The following PIK3CA variants were observed in gnomAD, a reference collection of about 807,000 sequenced individuals.
PIK3CA encodes phosphatidylinositol 4,5-bisphosphate 3-kinase catalytic subunit alpha isoform.
A neutral mutation model predicts 138.2 loss-of-function variants in PIK3CA; 27 were observed. The ratio of observed to expected loss-of-function variants is 0.20; its 90% CI spans 0.14 to 0.27. The LOEUF (loss-of-function observed/expected upper bound fraction) is 0.27. PIK3CA is among the 10% of genes least tolerant of loss of function. The pLI, the probability that PIK3CA is intolerant of heterozygous loss-of-function variation, is 1.00. For missense variants in PIK3CA, 544 were observed against 1,277.4 expected, an observed-to-expected ratio of 0.43 and a Z score of 8.75; for synonymous variants, 358 against 413.2, an observed-to-expected ratio of 0.87 and a Z score of 1.62.
At chr3:179,177,267 T>A (rs917330098) in intron 1 of PIK3CA, among the ~76,000 whole-genome samples, 1 of 152,052 alleles carries the variant, frequency 6.6e-6, no homozygotes, top group African/African-American at 2.4e-5. Context: ...TTATCCATCT[T>A]TTTCTGTGTG....
chr3:179,172,917 T>C (rs978791834), intron 1 of PIK3CA, among the ~76,000 whole-genome samples: 7 of 152,162 alleles, frequency 4.6e-5, no homozygotes, highest in African/African-American at 1.7e-4. Flanking sequence ...GTACTTGCTA[T>C]AAAGCTACAA....
chr3:179,177,570 C>T (rs1467697055), intron 1 of PIK3CA, among the ~76,000 whole-genome samples: 1 of 151,996 alleles, frequency 6.6e-6, no homozygotes, highest in Non-Finnish European at 1.5e-5. Context: ...GCCTTGGCCT[C>T]CCAAAGTGCT....
At chr3:179,177,068 C>T (rs1390874365) in intron 1 of PIK3CA, among the ~76,000 whole-genome samples, 1 of 152,016 alleles carries the variant, frequency 6.6e-6, no homozygotes, top group Non-Finnish European at 1.5e-5. Context: ...ACTTAAATTT[C>T]TTTTTCTGAA....
chr3:179,150,812 A>C (rs575404927), intron 1 of PIK3CA, among the ~76,000 whole-genome samples: 2 of 152,334 alleles, frequency 1.3e-5, no homozygotes, highest in East Asian at 1.9e-4. Context: ...TTTTTCTCTA[A>C]ACCAGTTTAC....
chr3:179,203,797 C>T lies in PIK3CA; in HGVS notation c.1059+8C>T, dbSNP rs199552207. 3.8e-6 allele frequency: 6 copies of T among 1,585,002 alleles called. No individual in the cohort carries two copies. The highest frequency in any genetic ancestry group is 4.5e-5 in the East Asian group (2 of 44,680). ...ATTCGAGACATTGATAAGGTAAAGT[C>T]AAATGCTGATGCTTATTATTTTATA... On this transcript the variant is annotated splice_region_variant and intron_variant, in intron 5 of 20. Transcript: ENST00000263967.
intron 1 of PIK3CA, among the ~76,000 whole-genome samples, chr3:179,182,133 C>T (rs191705545): frequency 2.6e-4 from 40 of 152,212 alleles, no homozygotes; most frequent in African/African-American, 9.1e-4. Flanking sequence ...TTACGTCTTC[C>T]TCTGTGCCTT....
Position 179,239,390 on chromosome 3 carries a change from A to AAAC in PIK3CA, c.*5027_*5029dup, listed in dbSNP as rs1445607602. On this transcript the variant is annotated 3_prime_UTR_variant, in exon 21 of 21. Coordinates refer to ENST00000263967, the MANE Select transcript of PIK3CA (RefSeq NM_006218.4). ...TTTCATATTAAAATATAATTAGACT[A>AAAC]AACTTAATTCTAGTATGAATTTCCA... 9 of 196,580 alleles carry AAAC rather than the reference A, an allele frequency of 4.6e-5. No individual in the cohort carries two copies. Among genetic ancestry groups the AAAC allele is most frequent in the Admixed American group, 1.2e-4 (2 of 16,548 alleles). The allele number at this position is 196,580 out of a possible 1,614,324, so 12.2% of individuals were successfully genotyped here.
chr3:179,226,349 A>G (rs1725082209), intron 17 of PIK3CA, among the ~76,000 whole-genome samples: 1 of 152,158 alleles, frequency 6.6e-6, no homozygotes. Context: ...AGAGTTTAAA[A>G]GAAAGTTTCA....
intron 1 of PIK3CA, among the ~76,000 whole-genome samples, chr3:179,151,484 A>G (rs1008116236): frequency 2.6e-5 from 4 of 152,202 alleles, no homozygotes; most frequent in African/African-American, 9.6e-5. Context: ...CTGGCTACAC[A>G]TTAGAATAAT....
intron 1 of PIK3CA, among the ~76,000 whole-genome samples, chr3:179,149,257 G>A (rs367644572): frequency 2.6e-5 from 4 of 152,126 alleles, no homozygotes; most frequent in East Asian, 3.9e-4. Flanking sequence ...ACTGACTCAT[G>A]TGACTTGTCT....
Position 179,224,091 on chromosome 3 carries a change from A to G in PIK3CA, c.2198A>G (p.Lys733Arg), listed in dbSNP as rs181194055. 9.0e-5 allele frequency: 143 copies of G among 1,588,976 alleles called. 2 individuals carry two copies. The East Asian group carries it at 2.6e-3, about 29-fold the overall frequency. Residue 733 changes from lysine (K) to arginine (R), a missense_variant, in exon 15 of 21, where the codon AAG becomes AGG. Coordinates refer to ENST00000263967, the MANE Select transcript of PIK3CA (RefSeq NM_006218.4). ...KKDETQKVQM[K>R]FLVEQMRRPD... ...TTTTTTTTTAATCAGGTACAGATGA[A>G]GTTTTTAGTTGAGCAAATGAGGCGA...
Position 179,238,774 on chromosome 3 carries a change from T to G in PIK3CA, c.*4410T>G. Reference sequence around the variant, plus strand: ...GTGTATACTTGCACACAATTCTGTTTGTGTACACACTGCTTGCTTAGCCCT... The same window carrying G: ...GTGTATACTTGCACACAATTCTGTTGGTGTACACACTGCTTGCTTAGCCCT... On this transcript the variant is annotated 3_prime_UTR_variant, in exon 21 of 21. Coordinates refer to ENST00000263967, the MANE Select transcript of PIK3CA (RefSeq NM_006218.4). 1 of 225,524 alleles carries G rather than the reference T, an allele frequency of 4.4e-6. No homozygotes were observed. The allele number at this position is 225,524 out of a possible 1,614,324, so 14.0% of individuals were successfully genotyped here.
intron 1 of PIK3CA, among the ~76,000 whole-genome samples, chr3:179,178,261 CA>C (rs60887179): frequency 0.26 from 20,760 of 79,902 alleles, 1,976 homozygotes; most frequent in African/African-American, 0.39. Flanking sequence ...CTCTAAAGAT[CA>C]AAAAAAAAAA....
In PIK3CA at chr3:179,219,978, C is replaced by T; in HGVS notation, c.1941C>T (p.Asn647=). The T allele has an allele frequency of 6.2e-7, 1 of 1,603,490 alleles. No individual in the cohort carries two copies. The highest frequency in any genetic ancestry group is 8.5e-7 in the Non-Finnish European group (1 of 1,176,580). Residue 647 remains asparagine (N), a synonymous_variant, in exon 13 of 21, where the codon AAC becomes AAT. Coordinates refer to ENST00000263967, the MANE Select transcript of PIK3CA (RefSeq NM_006218.4). The surrounding 1 kb of genome is among the most constrained non-coding windows in gnomAD (Gnocchi z 4.2). The part of the protein sequence containing the change: ...QVLKYEQYLD[N]LLVRFLLKKA... Reference sequence around the variant, plus strand: ...TAAAATATGAACAATATTTGGATAACTTGCTTGTGAGATTTTTACTGAAGA... The same window carrying T: ...TAAAATATGAACAATATTTGGATAATTTGCTTGTGAGATTTTTACTGAAGA...
At chr3:179,198,300 G>T (rs144295894) in intron 1 of PIK3CA, among the ~76,000 whole-genome samples, 54 of 152,250 alleles carry the variant, frequency 3.5e-4, no homozygotes, top group African/African-American at 1.2e-3. Context: ...TCTAGGCATG[G>T]TTTTACTTAT....
In PIK3CA at chr3:179,198,894, A is replaced by G; in HGVS notation, c.69A>G (p.Glu23=). The part of the protein sequence containing the change: ...IHLMPPRILV[E]CLLPNGMIVT... The stretch of plus-strand genomic sequence containing the variant: ...TGATGCCCCCAAGAATCCTAGTAGA[A>G]TGTTTACTACCAAATGGAATGATAG... The change falls in exon 2 of 21, where the codon GAA becomes GAG. Residue 23 remains glutamate, a synonymous_variant. Coordinates refer to ENST00000263967, the MANE Select transcript of PIK3CA (RefSeq NM_006218.4). 6.2e-7 allele frequency: 1 copy of G among 1,605,468 alleles called. No individual in the cohort carries two copies. Among genetic ancestry groups the G allele is most frequent in the Non-Finnish European group, 8.5e-7 (1 of 1,177,084 alleles).
In PIK3CA at chr3:179,228,753, T is replaced by C. The variant is rs565330704; in HGVS notation, c.2496-519T>C. Among the ~76,000 whole-genome samples the C allele has an allele frequency of 3.9e-5, 6 of 152,208 alleles. No homozygotes were observed. In the East Asian group the frequency reaches 1.2e-3, roughly 29 times the overall value. On this transcript the variant is annotated intron_variant, in intron 17 of 20. Transcript: ENST00000263967. ...ATGAAATATGTTACTTATATTAACA[T>C]GTCATAGTTTGTTGCTTTTAAATGA...
rs528430104 is a variant in PIK3CA at position 179,163,261 on chromosome 3, C to T, written c.-77+14658C>T. Among the ~76,000 whole-genome samples, 3 of 152,226 alleles carry T rather than the reference C, an allele frequency of 2.0e-5. No homozygotes were observed. In the East Asian group the frequency reaches 5.8e-4, roughly 29 times the overall value. Reference sequence around the variant, plus strand: ...TTAATTGGAAAAGAGTAAACTTATGCCTAGTGTCATTTTAAAAAGACATTT... The same window carrying T: ...TTAATTGGAAAAGAGTAAACTTATGTCTAGTGTCATTTTAAAAAGACATTT... On this transcript the variant is annotated intron_variant, in intron 1 of 20. Coordinates refer to ENST00000263967, the MANE Select transcript of PIK3CA (RefSeq NM_006218.4).
At position 179,226,230 on chromosome 3, in the gene PIK3CA, G is replaced by A. The variant is rs148016493; in HGVS notation, c.2495+190G>A. ...GAATAGCTAAATTATATTCAGCTAA[G>A]TAAAAAGAGCTAATAAGCTAATAAA... On this transcript the variant is annotated intron_variant, in intron 17 of 20. Transcript: ENST00000263967. Among the ~76,000 whole-genome samples the A allele has an allele frequency of 2.0e-5, 3 of 152,212 alleles. No homozygotes were observed. The East Asian group carries it at 5.8e-4, about 29-fold the overall frequency.
Sources: gnomAD v4.1 joint callset for allele counts (sites outside exome capture counted in the v4.1 genomes callset) on GRCh38, gnomAD v4.1.1 for gene constraint, Gnocchi (gnomAD v3.1) non-coding constraint, MANE v1.5 for transcripts, NCBI Gene and HGNC (gene_info 2026-07-23, HGNC 2026-07-21) for gene names.